Variants in SMAD3 observed in about 807,000 individuals in gnomAD.
SMAD3 encodes MAD homolog 3.
Under a neutral mutation model 51.8 loss-of-function variants are expected in SMAD3, and 12 were observed. The observed-to-expected ratio is 0.23, with a 90% CI of 0.15 to 0.38. The LOEUF is 0.38. SMAD3 is among the 10% of genes least tolerant of loss of function. The pLI, the probability that SMAD3 is intolerant of heterozygous loss-of-function variation, is 1.00. For missense variants in SMAD3, 294 were observed against 565.6 expected, an observed-to-expected ratio of 0.52 and a Z score of 4.87; for synonymous variants, 238 against 227.7, an observed-to-expected ratio of 1.05 and a Z score of -0.41.
At chr15:67,073,308 C>T (rs565795036) in intron 1 of SMAD3, among the ~76,000 whole-genome samples, 1 of 152,328 alleles carries the variant, frequency 6.6e-6, no homozygotes, top group South Asian at 2.1e-4. Context: ...CAGCAGCCTG[C>T]CACAGTGGCA....
rs113514844 is a variant in SMAD3, at chr15:67,106,878, G to A, written c.206+40518G>A. 2.1e-3 allele frequency among the ~76,000 whole-genome samples: 323 copies of A among 152,296 alleles called. 4 individuals are homozygous for A. The highest frequency in any genetic ancestry group is 7.6e-3 in the African/African-American group (314 of 41,546). On this transcript the variant is annotated intron_variant, in intron 1 of 8. Coordinates refer to ENST00000327367, the MANE Select transcript of SMAD3 (RefSeq NM_005902.4). ...AATTCACACGAAGGTGTTAATGGTG[G>A]TAATGGCATAGTATTTATTACCCCA...
At chr15:67,125,629 G>A (rs186918407) in intron 1 of SMAD3, 567 of 762,178 alleles carry the variant, frequency 7.4e-4, no homozygotes, top group Admixed American at 8.7e-4. Flanking sequence ...CAGAGTGCGT[G>A]GTGTTTATTT....
At chr15:67,113,076 G>GTATATATATATATATA (rs1555408269) in intron 1 of SMAD3, among the ~76,000 whole-genome samples, 11 of 34,986 alleles carry the variant, frequency 3.1e-4, no homozygotes, top group Non-Finnish European at 5.8e-4. Context: ...ATATATATGT[G>GTATATATATATATATA]TATATATATA....
intron 1 of SMAD3, among the ~76,000 whole-genome samples, chr15:67,152,506 C>G (rs1962174532): frequency 6.6e-6 from 1 of 152,142 alleles, no homozygotes; most frequent in Non-Finnish European, 1.5e-5. Flanking sequence ...TGGAGGTCAG[C>G]TTTTGGGGGT....
chr15:67,154,571 A>G (rs1412815096), intron 1 of SMAD3, among the ~76,000 whole-genome samples: 3 of 152,184 alleles, frequency 2.0e-5, no homozygotes, highest in African/African-American at 7.2e-5. Flanking sequence ...TCTTTGTGGC[A>G]CCAAATGAAA....
intron 1 of SMAD3, among the ~76,000 whole-genome samples, chr15:67,085,244 C>T (rs1361701470): frequency 6.6e-6 from 1 of 152,142 alleles, no homozygotes; most frequent in Non-Finnish European, 1.5e-5. Flanking sequence ...ATAGGGGCTC[C>T]TCTGGTGTGG....
At position 67,191,260 on chromosome 15, in the gene SMAD3, T is replaced by C. The variant is rs1236322008; in HGVS notation, c.*724T>C. On this transcript the variant is annotated 3_prime_UTR_variant, in exon 9 of 9. Transcript: ENST00000327367. ...GTTTGTCCTTTTTCACTTTGAAAAG[T>C]TGGAAGGATCTGCTGAGGCCCAGTG... 1.3e-5 allele frequency: 3 copies of C among 233,608 alleles called. No individual in the cohort carries two copies. The highest frequency in any genetic ancestry group is 4.4e-5 in the African/African-American group (2 of 45,334). 14.5% of individuals were successfully genotyped at this position (233,608 alleles called of 1,614,324 possible).
rs1963446875 is a variant in SMAD3, at chr15:67,194,357, T to A, written c.*3821T>A. The A allele has an allele frequency of 1.3e-5, 3 of 233,008 alleles. No homozygotes were observed. The Admixed American group carries it at 1.7e-4, about 13-fold the overall frequency. The allele number at this position is 233,008 out of a possible 1,614,324, so 14.4% of individuals were successfully genotyped here. Reference sequence around the variant, plus strand: ...GCAAGAGGACATGGATCCAAAATGATGATGAAGCATCTCCCATGGGGAGGT... The same window carrying A: ...GCAAGAGGACATGGATCCAAAATGAAGATGAAGCATCTCCCATGGGGAGGT... On this transcript the variant is annotated 3_prime_UTR_variant, in exon 9 of 9. Coordinates refer to ENST00000327367, the MANE Select transcript of SMAD3 (RefSeq NM_005902.4).
At chr15:67,154,623 A>G (rs1962234460) in intron 1 of SMAD3, among the ~76,000 whole-genome samples, 2 of 152,260 alleles carry the variant, frequency 1.3e-5, no homozygotes, top group African/African-American at 2.4e-5. Flanking sequence ...ATAAACAACA[A>G]CAGTTTTAAA....
At chr15:67,187,554 G>T (rs774270140) in intron 8 of SMAD3, 45 bp downstream of exon 8, 31 of 1,609,822 alleles carry the variant, frequency 1.9e-5, no homozygotes, top group Non-Finnish European at 2.6e-5. Context: ...AACTCCAGGT[G>T]ACTCTGGACA....
chr15:67,154,379 C>G (rs1180183568), intron 1 of SMAD3, among the ~76,000 whole-genome samples: 2 of 152,184 alleles, frequency 1.3e-5, no homozygotes, highest in Non-Finnish European at 2.9e-5. Context: ...ATCCTGTTTT[C>G]AGCTCTTCAT....
rs1011423123 is a variant in SMAD3 at position 67,187,258 on chromosome 15, G to C, written c.1010-107G>C. On this transcript the variant is annotated intron_variant, in intron 7 of 8. Transcript: ENST00000327367. ...TCACACACCATGTGTCCCTGGAGCT[G>C]TATAAATGAGGCTGGTCTAGGGGGT... 3 of 1,319,512 alleles carry C rather than the reference G, an allele frequency of 2.3e-6. No homozygotes were observed. The Admixed American group carries it at 5.0e-5, about 22-fold the overall frequency. The allele number at this position is 1,319,512 out of a possible 1,614,324, so 81.7% of individuals were successfully genotyped here.
intron 1 of SMAD3, among the ~76,000 whole-genome samples, chr15:67,107,890 A>G (rs1960913740): frequency 1.3e-5 from 2 of 152,108 alleles, no homozygotes. Context: ...TGGTGTGGAA[A>G]GTCATCCTCC....
At chr15:67,181,527 A>G (rs2140314825) in intron 6 of SMAD3, 74 bp downstream of exon 6, 1 of 1,176,080 alleles carries the variant, frequency 8.5e-7, no homozygotes, top group African/African-American at 1.8e-5. Flanking sequence ...CCCAGGCCTG[A>G]ACACACAGCC....
intron 1 of SMAD3, among the ~76,000 whole-genome samples, chr15:67,145,654 G>C (rs1392480522): frequency 6.6e-6 from 1 of 152,152 alleles, no homozygotes; most frequent in East Asian, 1.9e-4. Flanking sequence ...GCGCTTACCG[G>C]TTTATGAAGG....
chr15:67,095,551 C>CT (rs5813425), intron 1 of SMAD3, among the ~76,000 whole-genome samples: 29 of 149,944 alleles, frequency 1.9e-4, no homozygotes, highest in East Asian at 5.9e-4. Context: ...GCTTGAAATC[C>CT]TTTTTTTTTT....
At chr15:67,106,770 T>C (rs1960886653) in intron 1 of SMAD3, among the ~76,000 whole-genome samples, 1 of 152,206 alleles carries the variant, frequency 6.6e-6, no homozygotes, top group African/African-American at 2.4e-5. Context: ...GAGCACTGGC[T>C]CTTCCTGGCT....
chr15:67,129,799 A>G (rs992361823), intron 1 of SMAD3, among the ~76,000 whole-genome samples: 16 of 152,352 alleles, frequency 1.1e-4, no homozygotes, highest in Admixed American at 4.6e-4. Flanking sequence ...AACGAGCTAT[A>G]TTACATTCTT....
intron 1 of SMAD3, among the ~76,000 whole-genome samples, chr15:67,161,400 C>T (rs2064020902): frequency 6.6e-6 from 1 of 152,190 alleles, no homozygotes; most frequent in African/African-American, 2.4e-5. Context: ...GCAAGAGGGC[C>T]ACCCACTTCT....
Sources: allele counts gnomAD v4.1 joint callset (sites outside exome capture counted in the v4.1 genomes callset), GRCh38; gene constraint gnomAD v4.1.1; transcripts MANE v1.5; gene names NCBI Gene and HGNC (gene_info 2026-07-23, HGNC 2026-07-21).